Variants in THRB observed in about 807,000 individuals in gnomAD.
THRB encodes thyroid hormone receptor beta, also known as nuclear receptor subfamily 1 group A member 2.
THRB carries 12 observed loss-of-function variants against 47.8 expected under a neutral mutation model. The observed-to-expected ratio is 0.25, with a 90% CI of 0.16 to 0.41. The LOEUF (loss-of-function observed/expected upper bound fraction) is 0.41. Ranked by LOEUF, THRB falls within the 10% of genes least tolerant of loss-of-function variation. The probability of loss-of-function intolerance (pLI) is 1.00; values close to 1 mark genes in which losing one functional copy is unlikely to be tolerated. For synonymous variants in THRB, 218 were observed against 212.2 expected, an observed-to-expected ratio of 1.03 and a Z score of -0.24; for missense variants, 348 against 589.2, an observed-to-expected ratio of 0.59 and a Z score of 4.24.
intron 1 of THRB, among the ~76,000 whole-genome samples, chr3:24,393,367 CTCAAAG>C (rs2066723997): frequency 6.6e-6 from 1 of 152,104 alleles, no homozygotes; most frequent in Non-Finnish European, 1.5e-5. Context: ...ACTCGTCTTG[CTCAAAG>C]CCTTTTTCCA....
At chr3:24,172,044 T>G (rs549914231) in intron 5 of THRB, among the ~76,000 whole-genome samples, 3 of 152,316 alleles carry the variant, frequency 2.0e-5, no homozygotes, top group South Asian at 2.1e-4. Context: ...CTCTTGGAGA[T>G]TCACACACAC....
Position 24,163,673 on chromosome 3 carries a change from C to G in THRB, c.284-11183G>C, listed in dbSNP as rs374030545. 3.0e-4 allele frequency among the ~76,000 whole-genome samples: 46 copies of G among 152,252 alleles called. No homozygotes were observed. The East Asian group carries it at 6.9e-3, about 23-fold the overall frequency. ...TCAAATGTTTCCATTAGGGGACTTA[C>G]CCTGTGTATCCCTTGTAATAAATGA... On this transcript the variant is annotated intron_variant, in intron 5 of 10. Transcript: ENST00000646209.
At chr3:24,332,340 C>G (rs554765511) in intron 2 of THRB, among the ~76,000 whole-genome samples, 1 of 152,282 alleles carries the variant, frequency 6.6e-6, no homozygotes, top group African/African-American at 2.4e-5. Context: ...TCCCTGCTGA[C>G]GATAGAACCA....
chr3:24,343,905 A>C (rs1228132661), intron 1 of THRB, among the ~76,000 whole-genome samples: 1 of 147,388 alleles, frequency 6.8e-6, no homozygotes, highest in Non-Finnish European at 1.5e-5. Flanking sequence ...TGATATATAT[A>C]TATTTATTTA....
At chr3:24,354,820 G>C (rs1388353987) in intron 1 of THRB, among the ~76,000 whole-genome samples, 2 of 152,090 alleles carry the variant, frequency 1.3e-5, no homozygotes, top group African/African-American at 2.4e-5. Context: ...ATCCTCCAAT[G>C]AGGAGCTCAC....
chr3:24,309,629 C>T (rs938463338), intron 2 of THRB, among the ~76,000 whole-genome samples: 56 of 152,158 alleles, frequency 3.7e-4, no homozygotes, highest in African/African-American at 1.3e-3. Context: ...TTACTAAGTT[C>T]ATCTTCCTTA....
intron 1 of THRB, among the ~76,000 whole-genome samples, chr3:24,388,489 G>T (rs566309863): frequency 2.0e-5 from 3 of 152,242 alleles, no homozygotes; most frequent in Admixed American, 1.3e-4. Context: ...ATAACCCAAA[G>T]GTTGGTCCCT....
chr3:24,251,066 A>G (rs1173042197), intron 3 of THRB, among the ~76,000 whole-genome samples: 1 of 152,086 alleles, frequency 6.6e-6, no homozygotes, highest in Non-Finnish European at 1.5e-5. Context: ...GAAAAACTGC[A>G]ATTACCTGGA....
chr3:24,440,274 G>A (rs2071401021), intron 1 of THRB, among the ~76,000 whole-genome samples: 1 of 151,970 alleles, frequency 6.6e-6, no homozygotes, highest in East Asian at 1.9e-4. Context: ...ATGCTTCCAG[G>A]TTTCATGTCA....
chr3:24,311,145 G>A (rs2057728580), intron 2 of THRB, among the ~76,000 whole-genome samples: 1 of 152,220 alleles, frequency 6.6e-6, no homozygotes, highest in Admixed American at 6.5e-5. Flanking sequence ...GGCTGAAGAG[G>A]GATGGGAAGC....
intron 5 of THRB, among the ~76,000 whole-genome samples, chr3:24,184,405 G>A (rs895600221): frequency 2.0e-5 from 3 of 152,184 alleles, no homozygotes; most frequent in South Asian, 4.1e-4. Flanking sequence ...AGTTGGCCTT[G>A]GAAAGCGTGG....
At chr3:24,123,646 G>A (rs545114566) in intron 10 of THRB, among the ~76,000 whole-genome samples, 1 of 152,290 alleles carries the variant, frequency 6.6e-6, no homozygotes, top group South Asian at 2.1e-4. Flanking sequence ...ATTTTGTGTT[G>A]TCTTCCAGGC....
chr3:24,266,647 G>A (rs2052683122), intron 3 of THRB, among the ~76,000 whole-genome samples: 1 of 152,086 alleles, frequency 6.6e-6, no homozygotes, highest in Admixed American at 6.6e-5. Flanking sequence ...ATTTAAAGAG[G>A]GAGCCAGCCA....
intron 4 of THRB, among the ~76,000 whole-genome samples, chr3:24,223,214 C>T (rs9864937): frequency 0.044 from 6,740 of 152,308 alleles, 203 homozygotes; most frequent in East Asian, 0.093. Flanking sequence ...AGGCTCACCA[C>T]TTTGTGTGAG....
chr3:24,391,365 A>G (rs2066556473), intron 1 of THRB, among the ~76,000 whole-genome samples: 1 of 152,180 alleles, frequency 6.6e-6, no homozygotes, highest in Admixed American at 6.5e-5. Context: ...TCATGCTGTC[A>G]TCCCACATTT....
intron 3 of THRB, among the ~76,000 whole-genome samples, chr3:24,248,747 G>A (rs2050363641): frequency 6.6e-6 from 1 of 152,166 alleles, no homozygotes; most frequent in Non-Finnish European, 1.5e-5. Flanking sequence ...TCCCTCAGAG[G>A]TTCTAGCAGC....
At chr3:24,259,490 CT>C (rs1170006373) in intron 3 of THRB, among the ~76,000 whole-genome samples, 1 of 152,116 alleles carries the variant, frequency 6.6e-6, no homozygotes, top group African/African-American at 2.4e-5. Flanking sequence ...AACACACCGC[CT>C]TAAGACTCCT....
At chr3:24,352,739 A>T (rs1032731641) in intron 1 of THRB, among the ~76,000 whole-genome samples, 1 of 152,184 alleles carries the variant, frequency 6.6e-6, no homozygotes. Context: ...ACCATATTTT[A>T]AGCATACACA....
At chr3:24,479,274 T>C (rs1047290273) in intron 1 of THRB, among the ~76,000 whole-genome samples, 2 of 152,118 alleles carry the variant, frequency 1.3e-5, no homozygotes, top group African/African-American at 2.4e-5. Flanking sequence ...CGCACTCCAG[T>C]CTGGGGGACA....
Sources: gnomAD v4.1 joint callset for allele counts (sites outside exome capture counted in the v4.1 genomes callset) on GRCh38, gnomAD v4.1.1 for gene constraint, MANE v1.5 for transcripts, NCBI Gene and HGNC (gene_info 2026-07-23, HGNC 2026-07-21) for gene names.